DLGAP5: variants seen among roughly 807,000 people sequenced by gnomAD.
The protein encoded by DLGAP5 is disks large-associated protein 5.
In DLGAP5, 90 loss-of-function variants were observed where a neutral mutation model predicts 99.6. The ratio of observed to expected loss-of-function variants is 0.90; its 90% confidence interval spans 0.76 to 1.08. The LOEUF is 1.08. DLGAP5 is among the 50% of genes least tolerant of loss of function. The pLI is 0.00. For missense variants in DLGAP5, 1,036 were observed against 983.5 expected (o/e 1.05, Z -0.71); for synonymous variants, 311 against 321.3 (o/e 0.97, Z 0.34).
intron 10 of DLGAP5, among the ~76,000 whole-genome samples, chr14:55,173,438 G>T (rs1484333323): frequency 6.6e-6 from 1 of 151,896 alleles, no homozygotes; most frequent in Non-Finnish European, 1.5e-5. Flanking sequence ...CAAAAGAAAA[G>T]AAAGAAATGA....
intron 12 of DLGAP5, among the ~76,000 whole-genome samples, chr14:55,164,648 G>A (rs1566498514): frequency 1.3e-5 from 2 of 152,058 alleles, no homozygotes; most frequent in Admixed American, 6.6e-5. Flanking sequence ...ATGGCCGGGT[G>A]CAGTGGCACA....
intron 14 of DLGAP5, among the ~76,000 whole-genome samples, chr14:55,157,171 G>A (rs1882241355): frequency 6.6e-6 from 1 of 152,188 alleles, no homozygotes; most frequent in Non-Finnish European, 1.5e-5. Context: ...TATCAACTAT[G>A]TGCTCTGTAA....
At chr14:55,152,720 C>T (rs1882062500) in intron 15 of DLGAP5, 73 bp from the exon 16 acceptor site, 1 of 1,291,884 alleles carries the variant, frequency 7.7e-7, no homozygotes, top group South Asian at 1.7e-5. Flanking sequence ...TGAGTCTTTC[C>T]TTTAATGATG....
intron 12 of DLGAP5, among the ~76,000 whole-genome samples, chr14:55,167,876 C>A (rs1182598858): frequency 1.3e-5 from 2 of 152,160 alleles, no homozygotes; most frequent in Non-Finnish European, 2.9e-5. Flanking sequence ...GATGCTTTAG[C>A]CTACCCTCTT....
intron 7 of DLGAP5, among the ~76,000 whole-genome samples, chr14:55,178,841 G>C (rs372404128): frequency 1.3e-5 from 2 of 152,156 alleles, no homozygotes; most frequent in Non-Finnish European, 2.9e-5. Flanking sequence ...GAGGTCGGGA[G>C]TTCAAGACCA....
chr14:55,187,627 C>T (rs1883476392), intron 2 of DLGAP5, among the ~76,000 whole-genome samples: 6 of 145,280 alleles, frequency 4.1e-5, no homozygotes, highest in Non-Finnish European at 1.5e-5. Context: ...TGATCCTTTT[C>T]TTTTTTTTTT....
intron 12 of DLGAP5, among the ~76,000 whole-genome samples, chr14:55,164,880 C>A (rs552182248): frequency 6.7e-6 from 1 of 148,184 alleles, no homozygotes; most frequent in Non-Finnish European, 1.5e-5. Context: ...CGAGATCATG[C>A]CACTGCACTC....
chr14:55,163,635 C>T (rs1466386394), intron 12 of DLGAP5, among the ~76,000 whole-genome samples: 2 of 152,172 alleles, frequency 1.3e-5, no homozygotes, highest in Non-Finnish European at 2.9e-5. Flanking sequence ...TTTGCATTCC[C>T]ATAGGCAATG....
intron 13 of DLGAP5, 29 bp downstream of exon 13, chr14:55,162,942 A>G (rs1225321620): frequency 1.5e-6 from 2 of 1,365,080 alleles, no homozygotes; most frequent in East Asian, 2.4e-5. Context: ...TAAAAAAAAA[A>G]AAATTGGATA....
chr14:55,180,776 C>T lies in DLGAP5; in HGVS notation c.583G>A (p.Val195Met). ...AACGACGTGGGCATTACAGGCTGCA[C>T]AACTGTGGGAAAAAAAAATAACTAC... is the stretch of plus-strand genomic sequence containing the variant. ...KKVSDKEKKV[V>M]QPVMPTSLRM... The change falls in exon 6 of 19, where the codon GTG becomes ATG. Residue 195 changes from valine to methionine, a missense_variant and splice_region_variant. Physicochemically the swap from Val to Met is conservative, Grantham distance 21. Transcript: ENST00000247191. 6.2e-7 allele frequency: 1 copy of T among 1,613,424 alleles called. No homozygotes were observed. The highest frequency in any genetic ancestry group is 1.1e-5 in the South Asian group (1 of 91,062).
Position 55,169,396 on chromosome 14 carries a change from T to C in DLGAP5, c.1548+3A>G, listed in dbSNP as rs779562358. The C allele has an allele frequency of 8.3e-6, 10 of 1,202,906 alleles. No homozygotes were observed. Among genetic ancestry groups the C allele is most frequent in the Admixed American group, 5.6e-5 (2 of 35,862 alleles). 74.5% of individuals were successfully genotyped at this position (1,202,906 alleles called of 1,614,324 possible). On this transcript the variant is annotated splice_donor_region_variant and intron_variant, in intron 12 of 18. Coordinates refer to ENST00000247191, the MANE Select transcript of DLGAP5 (RefSeq NM_014750.5). ...AATATATTTGAAATATTGAACCACA[T>C]ACCTGAAAACTAACCATATCCCAAA...
At chr14:55,182,229 C>G (rs555420720) in intron 4 of DLGAP5, 141 bp downstream of exon 4, 1 of 628,560 alleles carries the variant, frequency 1.6e-6, no homozygotes, top group Non-Finnish European at 2.6e-6. Context: ...CATCACCATA[C>G]TAAAAACAGT....
chr14:55,153,614 G>A (rs1882099065), intron 15 of DLGAP5, among the ~76,000 whole-genome samples: 1 of 151,684 alleles, frequency 6.6e-6, no homozygotes, highest in Non-Finnish European at 1.5e-5. Flanking sequence ...TTTTTCTAGT[G>A]TCCAGCTTTA....
At chr14:55,180,908 G>GC (rs1883250670) in intron 5 of DLGAP5, 130 bp from the exon 6 acceptor site, 1 of 1,220,232 alleles carries the variant, frequency 8.2e-7, no homozygotes, top group East Asian at 2.4e-5. Context: ...CTTCAGCCCA[G>GC]GAGTTCGAAA....
intron 9 of DLGAP5, 60 bp downstream of exon 9, chr14:55,175,834 C>A (rs1883042019): frequency 1.4e-6 from 2 of 1,418,460 alleles, no homozygotes; most frequent in Non-Finnish European, 1.9e-6. Flanking sequence ...TACCTGAAAG[C>A]AAAATATTTT....
chr14:55,169,416 C>A lies in DLGAP5; in HGVS notation c.1531G>T (p.Asp511Tyr). 6.5e-7 allele frequency: 1 copy of A among 1,545,696 alleles called. No individual in the cohort carries two copies. Reference sequence around the variant, plus strand: ...CCACATACCTGAAAACTAACCATATCCCAAAATCCATCCAGATCTGTACAG... The same window carrying A: ...CCACATACCTGAAAACTAACCATATACCAAAATCCATCCAGATCTGTACAG... ...TTCTDLDGFW[D>Y]MVSFQIEDVI... is the part of the protein sequence containing the mutation. The change falls in exon 12 of 19, where the codon GAT becomes TAT. Residue 511 changes from aspartate (D) to tyrosine (Y), a missense_variant. Physicochemically the swap from Asp to Tyr is radical, Grantham distance 160 (BLOSUM62 -3). Coordinates refer to ENST00000247191, the MANE Select transcript of DLGAP5 (RefSeq NM_014750.5).
At chr14:55,174,420 T>C (rs895327657) in intron 10 of DLGAP5, among the ~76,000 whole-genome samples, 3 of 152,186 alleles carry the variant, frequency 2.0e-5, no homozygotes, top group African/African-American at 7.2e-5. Flanking sequence ...CCTTGTGATA[T>C]TCTATTACCT....
chr14:55,154,820 G>T lies in DLGAP5; in HGVS notation c.1874-14C>A, dbSNP rs775283854. ...AGACAGAAAGTCCTAGAAGATGAGA[G>T]AAATCACCTCAATACCAAATAGTTC... is the stretch of plus-strand genomic sequence containing the variant. On this transcript the variant is annotated splice_polypyrimidine_tract_variant and intron_variant, in intron 14 of 18. Coordinates refer to ENST00000247191, the MANE Select transcript of DLGAP5 (RefSeq NM_014750.5). 3 of 1,610,096 alleles carry T rather than the reference G, an allele frequency of 1.9e-6. No individual in the cohort carries two copies. The highest frequency in any genetic ancestry group is 2.2e-5 in the East Asian group (1 of 44,842).
intron 13 of DLGAP5, among the ~76,000 whole-genome samples, chr14:55,161,836 T>C (rs112072844): frequency 0.065 from 7,765 of 119,416 alleles, 284 homozygotes; most frequent in South Asian, 0.1. Context: ...GTCACGCCAC[T>C]GCACTCCAGC....
Sources: allele counts gnomAD v4.1 joint callset (sites outside exome capture counted in the v4.1 genomes callset), GRCh38; gene constraint gnomAD v4.1.1; transcripts MANE v1.5; gene names NCBI Gene and HGNC (gene_info 2026-07-23, HGNC 2026-07-21).